UGT8: variants seen among roughly 807,000 people sequenced by gnomAD.
UGT8 encodes the protein 2-hydroxyacylsphingosine 1-beta-galactosyltransferase.
In UGT8, 12 loss-of-function variants were observed where a neutral mutation model predicts 40.5. The observed-to-expected ratio is 0.30, with a 90% confidence interval of 0.19 to 0.48. UGT8 has a LOEUF of 0.48. Among genes scored for constraint, UGT8 ranks in the 20% least tolerant of loss-of-function variants. UGT8 has a pLI of 0.99. For missense variants in UGT8, 513 were observed against 648.7 expected, an observed-to-expected ratio of 0.79 and a Z score of 2.27; for synonymous variants, 224 against 240.4, an observed-to-expected ratio of 0.93 and a Z score of 0.63.
chr4:114,617,067 A>G (rs1032723206), intron 1 of UGT8, among the ~76,000 whole-genome samples: 1 of 152,132 alleles, frequency 6.6e-6, no homozygotes, highest in Non-Finnish European at 1.5e-5. Flanking sequence ...TTTGACCAAC[A>G]TGGTGAAACC....
intron 5 of UGT8, among the ~76,000 whole-genome samples, chr4:114,672,559 A>C (rs761124751): frequency 9.9e-5 from 15 of 152,126 alleles, no homozygotes; most frequent in African/African-American, 1.7e-4. Context: ...AGCACATAAC[A>C]CAGGAACAGA....
At chr4:114,600,711 C>G (rs1015983122) in intron 1 of UGT8, among the ~76,000 whole-genome samples, 1 of 151,980 alleles carries the variant, frequency 6.6e-6, no homozygotes, top group Non-Finnish European at 1.5e-5. Flanking sequence ...AAATTAGAGT[C>G]ATGCATCTTA....
At chr4:114,616,123 A>G (rs1731411611) in intron 1 of UGT8, among the ~76,000 whole-genome samples, 1 of 152,084 alleles carries the variant, frequency 6.6e-6, no homozygotes, top group South Asian at 2.1e-4. Flanking sequence ...ACTCTCTTCA[A>G]AGCTGTCAGA....
In UGT8 at chr4:114,677,124, C is replaced by T. The variant is rs2126143869; in HGVS notation, c.*836C>T. On this transcript the variant is annotated 3_prime_UTR_variant, in exon 6 of 6. Coordinates refer to ENST00000310836, the MANE Select transcript of UGT8 (RefSeq NM_001128174.3). ...TGTTAAATGCATAATTAAGACAAAG[C>T]AATGAAATTCTGACTTTATTCAAAG... The T allele has an allele frequency of 6.6e-6, 1 of 152,200 alleles. No individual in the cohort carries two copies. The highest frequency in any genetic ancestry group is 1.9e-4 in the East Asian group (1 of 5,180). 9.4% of individuals were successfully genotyped at this position (152,200 alleles called of 1,614,324 possible). A position where few individuals can be genotyped will look rare whatever the true frequency, so the allele number is the denominator to read the frequency against.
At chr4:114,652,070 A>G (rs1733924764) in intron 2 of UGT8, among the ~76,000 whole-genome samples, 1 of 152,130 alleles carries the variant, frequency 6.6e-6, no homozygotes. Flanking sequence ...AGAAGCTATA[A>G]AGTACTCTCA....
chr4:114,668,270 T>A lies in UGT8; in HGVS notation c.1228T>A (p.Tyr410Asn). The change falls in exon 5 of 6, where the codon TAT (tyrosine) becomes AAT (asparagine). Residue 410 changes from tyrosine (Y) to asparagine (N), a missense_variant. Physicochemically the swap from Tyr to Asn is moderately radical, Grantham distance 143. This residue lies in a region of UGT8 where 175 missense variants were observed against 186.7 expected (regional missense o/e 0.94). Transcript: ENST00000310836. ...EWKTVTEKELYEALVKVINNP... is the reference protein window; with the variant it reads ...EWKTVTEKELNEALVKVINNP... ...GAAGACAGTTACTGAAAAAGAGCTCTATGAAGCACTAGTGAAGGTTATCAA... is the reference window on the plus strand; with the variant it reads ...GAAGACAGTTACTGAAAAAGAGCTCAATGAAGCACTAGTGAAGGTTATCAA... 1.2e-6 allele frequency: 2 copies of A among 1,613,558 alleles called. No individual in the cohort carries two copies. The highest frequency in any genetic ancestry group is 2.7e-5 in the African/African-American group (2 of 75,030).
chr4:114,611,004 A>G (rs1731006210), intron 1 of UGT8, among the ~76,000 whole-genome samples: 1 of 152,136 alleles, frequency 6.6e-6, no homozygotes, highest in South Asian at 2.1e-4. Context: ...TGTTTCTCCT[A>G]CATGTGAATA....
At chr4:114,661,382 A>C (rs1734524687) in intron 2 of UGT8, among the ~76,000 whole-genome samples, 1 of 152,194 alleles carries the variant, frequency 6.6e-6, no homozygotes, top group South Asian at 2.1e-4. Flanking sequence ...AAATTCCAAA[A>C]AATCCTGTAT....
intron 2 of UGT8, among the ~76,000 whole-genome samples, chr4:114,648,371 GTTTT>G (rs71753758): frequency 9.5e-5 from 12 of 125,688 alleles, no homozygotes; most frequent in Admixed American, 2.4e-4. Flanking sequence ...AGAAAATCTG[GTTTT>G]TTTTTTTTTT....
At chr4:114,665,099 C>T (rs1375173236) in intron 3 of UGT8, among the ~76,000 whole-genome samples, 1 of 152,220 alleles carries the variant, frequency 6.6e-6, no homozygotes, top group Non-Finnish European at 1.5e-5. Context: ...CATTCAGACT[C>T]TTTTGTCACC....
chr4:114,661,474 A>G (rs1734532371), intron 2 of UGT8, among the ~76,000 whole-genome samples: 1 of 152,160 alleles, frequency 6.6e-6, no homozygotes, highest in Non-Finnish European at 1.5e-5. Flanking sequence ...TTCCAATTTC[A>G]AAGTTTTGCC....
intron 1 of UGT8, among the ~76,000 whole-genome samples, chr4:114,616,050 G>T (rs1012490089): frequency 6.6e-6 from 1 of 152,134 alleles, no homozygotes; most frequent in Non-Finnish European, 1.5e-5. Context: ...GGGGGTCAGG[G>T]ACCCAGTTGA....
Position 114,623,463 on chromosome 4 carries a change from A to G in UGT8, c.583A>G (p.Lys195Glu), listed in dbSNP as rs754514949. 1.9e-6 allele frequency: 3 copies of G among 1,614,224 alleles called. No individual in the cohort carries two copies. The Admixed American group carries it at 5.0e-5, about 27-fold the overall frequency. ...CCGCATGAACTTGCTGCAAAGGATG[A>G]AAAATACCGGTGTTTACCTCATTTC... is the stretch of plus-strand genomic sequence containing the variant. The part of the protein sequence containing the change: ...TDRMNLLQRM[K>E]NTGVYLISRL... Residue 195 changes from lysine (K) to glutamate (E), a missense_variant, in exon 2 of 6, where the codon AAA (lysine) becomes GAA (glutamate). Physicochemically the swap from Lys to Glu is moderately conservative, Grantham distance 56 (BLOSUM62 1). Around this residue, in one of 3 missense-constraint regions of UGT8, gnomAD observed 335 missense variants for 444.8 expected, o/e 0.75. Coordinates refer to ENST00000310836, the MANE Select transcript of UGT8 (RefSeq NM_001128174.3).
intron 2 of UGT8, among the ~76,000 whole-genome samples, chr4:114,660,950 A>T (rs886887238): frequency 6.6e-6 from 1 of 151,534 alleles, no homozygotes; most frequent in African/African-American, 2.4e-5. Flanking sequence ...TTTGACTTCT[A>T]CTAGCGGAGG....
At chr4:114,625,423 A>T (rs963420613) in intron 2 of UGT8, among the ~76,000 whole-genome samples, 1 of 147,464 alleles carries the variant, frequency 6.8e-6, no homozygotes, top group Non-Finnish European at 1.5e-5. Context: ...AGGTGGGAGG[A>T]TCACTTGAGT....
chr4:114,660,542 G>A (rs1020083815), intron 2 of UGT8, among the ~76,000 whole-genome samples: 1 of 151,998 alleles, frequency 6.6e-6, no homozygotes, highest in African/African-American at 2.4e-5. Flanking sequence ...TAATATTTCT[G>A]CCAGTCTATT....
chr4:114,604,199 G>A (rs1730603376), intron 1 of UGT8, among the ~76,000 whole-genome samples: 2 of 152,082 alleles, frequency 1.3e-5, no homozygotes, highest in African/African-American at 4.8e-5. Flanking sequence ...CTAATGTCTT[G>A]TTTAAAGTAC....
intron 2 of UGT8, among the ~76,000 whole-genome samples, chr4:114,653,571 G>T (rs1279415637): frequency 2.0e-5 from 3 of 151,990 alleles, no homozygotes; most frequent in Non-Finnish European, 4.4e-5. Flanking sequence ...AGTTGCCAAT[G>T]AATTTTTGAC....
intron 2 of UGT8, among the ~76,000 whole-genome samples, chr4:114,637,185 C>T (rs1235827717): frequency 6.6e-6 from 1 of 152,126 alleles, no homozygotes; most frequent in Non-Finnish European, 1.5e-5. Context: ...GCGATTATGG[C>T]TCAAACTTTG....
Sources: gnomAD v4.1 joint callset for allele counts (sites outside exome capture counted in the v4.1 genomes callset) on GRCh38, gnomAD v4.1.1 for gene constraint, gnomAD v4.1.1 regional missense constraint, MANE v1.5 for transcripts, NCBI Gene and HGNC (gene_info 2026-07-23, HGNC 2026-07-21) for gene names.